Variants in GPR63 observed in about 807,000 individuals in gnomAD.
The protein encoded by GPR63 is probable G protein-coupled receptor 63.
Under a neutral mutation model 23.1 loss-of-function variants are expected in GPR63, and 12 were observed. The observed-to-expected ratio is 0.52, with a 90% confidence interval of 0.33 to 0.84. The LOEUF (loss-of-function observed/expected upper bound fraction) is 0.84. Among genes scored for constraint, GPR63 ranks in the 40% least tolerant of loss-of-function variants. The pLI, the probability that GPR63 is intolerant of heterozygous loss-of-function variation, is 0.02. For synonymous variants in GPR63, 172 were observed against 191.1 expected (o/e 0.90, Z 0.82); for missense variants, 472 against 515.6 (o/e 0.92, Z 0.82).
intron 1 of GPR63, among the ~76,000 whole-genome samples, chr6:96,827,046 T>TAAAAAAAAAA (rs11461025): frequency 1.6e-5 from 2 of 122,496 alleles, no homozygotes; most frequent in Non-Finnish European, 1.7e-5. Context: ...GAACACAGTC[T>TAAAAAAAAAA]AAAAAAAAAA....
chr6:96,813,905 A>T (rs1328986124), intron 1 of GPR63, among the ~76,000 whole-genome samples: 1 of 152,238 alleles, frequency 6.6e-6, no homozygotes, highest in Non-Finnish European at 1.5e-5. Flanking sequence ...TCATATGAAC[A>T]TCTGCATAAG....
At chr6:96,819,770 C>G (rs750324453) in intron 1 of GPR63, among the ~76,000 whole-genome samples, 1 of 149,690 alleles carries the variant, frequency 6.7e-6, no homozygotes, top group African/African-American at 2.5e-5. Context: ...ATCACGAGGT[C>G]AGGGATGGCT....
At chr6:96,822,688 C>T (rs1341031546) in intron 1 of GPR63, among the ~76,000 whole-genome samples, 1 of 152,176 alleles carries the variant, frequency 6.6e-6, no homozygotes, top group Non-Finnish European at 1.5e-5. Context: ...TCTGACTAAG[C>T]ACTGCTTACA....
Position 96,798,536 on chromosome 6 carries a change from T to C in GPR63, c.1196A>G (p.His399Arg). 2.5e-6 allele frequency: 4 copies of C among 1,614,214 alleles called. No individual in the cohort carries two copies. The South Asian group carries it at 3.3e-5, about 13-fold the overall frequency. Residue 399 changes from histidine (H) to arginine (R), a missense_variant, in exon 2 of 2, where the codon CAC becomes CGC. Coordinates refer to ENST00000229955, the MANE Select transcript of GPR63 (RefSeq NM_030784.4). ...SFKFLPQLPG[H>R]TKRRIRPSAV... ...ACTAGGACGTATCCGTCGCTTTGTG[T>C]GACCAGGGAGCTGCGGCAAAAACTT...
Position 96,795,506 on chromosome 6 carries a change from C to G in GPR63, c.*2966G>C, listed in dbSNP as rs897887460. 1.3e-5 allele frequency: 2 copies of G among 152,160 alleles called. No homozygotes were observed. The highest frequency in any genetic ancestry group is 4.8e-5 in the African/African-American group (2 of 41,436). 9.4% of individuals were successfully genotyped at this position (152,160 alleles called of 1,614,324 possible). The stretch of plus-strand genomic sequence containing the variant: ...TTCAAAATGATTTGTAAACTCTCAT[C>G]AGATCAAGATAATCCAGTGTAAAAA... On this transcript the variant is annotated 3_prime_UTR_variant, in exon 2 of 2. Coordinates refer to ENST00000229955, the MANE Select transcript of GPR63 (RefSeq NM_030784.4).
At chr6:96,819,987 A>AC (rs1774270016) in intron 1 of GPR63, among the ~76,000 whole-genome samples, 2 of 150,602 alleles carry the variant, frequency 1.3e-5, no homozygotes, top group African/African-American at 2.4e-5. Context: ...AAAAAAAAAA[A>AC]AAAAACAAAC....
intron 1 of GPR63, 45 bp downstream of exon 1, chr6:96,837,223 C>T (rs1774755902): frequency 6.6e-6 from 1 of 152,336 alleles, no homozygotes; most frequent in Non-Finnish European, 1.5e-5. Context: ...CTACCTGTCC[C>T]GCGGGCCGGG....
rs1773639674 is a variant in GPR63, at chr6:96,798,138, C to T, written c.*334G>A. 1 of 214,930 alleles carries T rather than the reference C, an allele frequency of 4.7e-6. No homozygotes were observed. The highest frequency in any genetic ancestry group is 2.3e-5 in the African/African-American group (1 of 43,542). 13.3% of individuals were successfully genotyped at this position (214,930 alleles called of 1,614,324 possible). A position where few individuals can be genotyped will look rare whatever the true frequency, so the allele number is the denominator to read the frequency against. ...AAGCATACCTTAGCAGCACACGAAA[C>T]ACCTACAATTCAATGTAACTGCAGG... On this transcript the variant is annotated 3_prime_UTR_variant, in exon 2 of 2. Transcript: ENST00000229955.
At chr6:96,824,035 A>G (rs973817234) in intron 1 of GPR63, among the ~76,000 whole-genome samples, 1 of 143,198 alleles carries the variant, frequency 7.0e-6, no homozygotes, top group African/African-American at 2.6e-5. Flanking sequence ...CACTCTCTAA[A>G]TCTCATGCTC....
chr6:96,828,289 T>C (rs1378818464), intron 1 of GPR63, among the ~76,000 whole-genome samples: 1 of 152,040 alleles, frequency 6.6e-6, no homozygotes, highest in Non-Finnish European at 1.5e-5. Context: ...GAGATCTCTG[T>C]ACCTCCACAG....
chr6:96,832,160 T>C (rs1774601536), intron 1 of GPR63, among the ~76,000 whole-genome samples: 1 of 152,126 alleles, frequency 6.6e-6, no homozygotes, highest in South Asian at 2.1e-4. Context: ...AGTATTTTTC[T>C]ATATGTATAT....
At chr6:96,831,550 T>C (rs1307033259) in intron 1 of GPR63, among the ~76,000 whole-genome samples, 2 of 152,174 alleles carry the variant, frequency 1.3e-5, no homozygotes, top group African/African-American at 2.4e-5. Flanking sequence ...TGCCCTTTTA[T>C]TCCTCCCCAA....
At chr6:96,822,434 T>G (rs957955530) in intron 1 of GPR63, among the ~76,000 whole-genome samples, 1 of 152,168 alleles carries the variant, frequency 6.6e-6, no homozygotes, top group Admixed American at 6.6e-5. Flanking sequence ...AAATAAGACT[T>G]CAGTTTTAGT....
In GPR63 at chr6:96,799,411, G is replaced by A; in HGVS notation, c.321C>T (p.Tyr107=). 2 of 1,614,130 alleles carry A rather than the reference G, an allele frequency of 1.2e-6. No individual in the cohort carries two copies. The highest frequency in any genetic ancestry group is 8.5e-7 in the Non-Finnish European group (1 of 1,180,020). Residue 107 remains tyrosine, a synonymous_variant, in exon 2 of 2, where the codon TAC becomes TAT. Transcript: ENST00000229955. Reference sequence around the variant, plus strand: ...TTGCAGACCTCATGGCAGCTTTTTGGTAAACCATGAGGCAAACAACCAAGT... The same window carrying A: ...TTGCAGACCTCATGGCAGCTTTTTGATAAACCATGAGGCAAACAACCAAGT... ...LGNLVVCLMV[Y]QKAAMRSAIN...
chr6:96,814,893 A>G (rs1210903618), intron 1 of GPR63, among the ~76,000 whole-genome samples: 1 of 152,224 alleles, frequency 6.6e-6, no homozygotes, highest in Non-Finnish European at 1.5e-5. Flanking sequence ...TACTTTCACA[A>G]TTAATAGAGC....
Position 96,799,117 on chromosome 6 carries a change from A to T in GPR63, c.615T>A (p.Thr205=), listed in dbSNP as rs990196979. ...CTAAAGGAAAAGCTACACAAAAGGA[A>T]GTTGCCCAAGAAACTGCAATCAGAA... The part of the protein sequence containing the change: ...AKVLIAVSWA[T]SFCVAFPLAV... Residue 205 remains threonine, a synonymous_variant, in exon 2 of 2, where the codon ACT becomes ACA. Coordinates refer to ENST00000229955, the MANE Select transcript of GPR63 (RefSeq NM_030784.4). 3.1e-6 allele frequency: 5 copies of T among 1,614,076 alleles called. No individual in the cohort carries two copies. The African/African-American group carries it at 6.7e-5, about 22-fold the overall frequency.
At chr6:96,807,463 G>A (rs901628565) in intron 1 of GPR63, among the ~76,000 whole-genome samples, 28 of 152,266 alleles carry the variant, frequency 1.8e-4, no homozygotes, top group Non-Finnish European at 2.4e-4. Flanking sequence ...CATGATTGGT[G>A]ACTTTGTTTT....
In GPR63 at chr6:96,797,383, T is replaced by C. The variant is rs1228732313; in HGVS notation, c.*1089A>G. ...AAATTAAAGGATGCATAGAGTTCCC[T>C]CTTGACTATGTGACATCTAAACTGA... On this transcript the variant is annotated 3_prime_UTR_variant, in exon 2 of 2. Transcript: ENST00000229955. The C allele has an allele frequency of 6.6e-6, 1 of 152,222 alleles. No homozygotes were observed. Among genetic ancestry groups the C allele is most frequent in the Non-Finnish European group, 1.5e-5 (1 of 68,044 alleles). 9.4% of individuals were successfully genotyped at this position (152,222 alleles called of 1,614,324 possible).
At chr6:96,836,131 G>A (rs1263459874) in intron 1 of GPR63, among the ~76,000 whole-genome samples, 1 of 152,152 alleles carries the variant, frequency 6.6e-6, no homozygotes, top group Non-Finnish European at 1.5e-5. Context: ...GAATAGAGGT[G>A]TGGCAGAGAC....
Sources: allele counts gnomAD v4.1 joint callset (sites outside exome capture counted in the v4.1 genomes callset), GRCh38; gene constraint gnomAD v4.1.1; transcripts MANE v1.5; gene names NCBI Gene and HGNC (gene_info 2026-07-23, HGNC 2026-07-21).